The following SKAP1 variants were observed in gnomAD, a reference collection of about 807,000 sequenced individuals.
The protein encoded by SKAP1 is src kinase associated phosphoprotein 1.
In SKAP1, 44 loss-of-function variants were observed where a neutral mutation model predicts 58.5. That is an observed-to-expected ratio of 0.75 (90% CI 0.59 to 0.97). SKAP1 has a LOEUF of 0.97. SKAP1 is among the 50% of genes least tolerant of loss of function. The probability of loss-of-function intolerance (pLI) is 0.00; values close to 1 mark genes in which losing one functional copy is unlikely to be tolerated. For missense variants in SKAP1, 390 were observed against 435.2 expected, an observed-to-expected ratio of 0.90 and a Z score of 0.92; for synonymous variants, 127 against 149.7, an observed-to-expected ratio of 0.85 and a Z score of 1.11.
intron 11 of SKAP1, among the ~76,000 whole-genome samples, chr17:48,146,693 ATC>A (rs1480233448): frequency 1.3e-5 from 2 of 150,660 alleles, no homozygotes; most frequent in African/African-American, 4.9e-5. Context: ...CAATGGCACG[ATC>A]TCGGCTCACT....
At chr17:48,331,966 T>C (rs1375647910) in intron 4 of SKAP1, among the ~76,000 whole-genome samples, 1 of 152,172 alleles carries the variant, frequency 6.6e-6, no homozygotes, top group African/African-American at 2.4e-5. Flanking sequence ...TTTCTTAACA[T>C]ACCTTCCCAA....
At chr17:48,306,976 AT>A (rs552095693) in intron 4 of SKAP1, among the ~76,000 whole-genome samples, 152 of 152,274 alleles carry the variant, frequency 1.0e-3, no homozygotes, top group African/African-American at 3.4e-3. Context: ...TTATGTAAGT[AT>A]TTTTTTAATC....
At chr17:48,238,655 G>A (rs1248615198) in intron 4 of SKAP1, among the ~76,000 whole-genome samples, 2 of 152,194 alleles carry the variant, frequency 1.3e-5, no homozygotes, top group Non-Finnish European at 2.9e-5. Context: ...TTACAGGTAT[G>A]AGCCACCGCG....
At chr17:48,283,502 C>T (rs923789376) in intron 4 of SKAP1, among the ~76,000 whole-genome samples, 1 of 152,164 alleles carries the variant, frequency 6.6e-6, no homozygotes, top group South Asian at 2.1e-4. Flanking sequence ...TTATAATAAC[C>T]TCTGCCATCT....
At chr17:48,185,550 C>G (rs544485425) in intron 6 of SKAP1, among the ~76,000 whole-genome samples, 18 of 151,992 alleles carry the variant, frequency 1.2e-4, no homozygotes, top group Non-Finnish European at 2.4e-4. Flanking sequence ...GGAGGTGACT[C>G]TCAAGAATTT....
chr17:48,230,710 T>A (rs751295530), intron 4 of SKAP1, among the ~76,000 whole-genome samples: 14 of 152,124 alleles, frequency 9.2e-5, no homozygotes, highest in African/African-American at 1.4e-4. Context: ...TGAGCCACGA[T>A]CATGCCACTG....
intron 11 of SKAP1, among the ~76,000 whole-genome samples, chr17:48,156,009 G>A (rs991239372): frequency 3.3e-5 from 5 of 152,202 alleles, no homozygotes; most frequent in African/African-American, 4.8e-5. Context: ...AGGCCGAATG[G>A]ATTTTTGGAG....
chr17:48,252,713 A>AGTGTGT (rs71141977), intron 4 of SKAP1, among the ~76,000 whole-genome samples: 9,908 of 145,020 alleles, frequency 0.068, 475 homozygotes, highest in African/African-American at 0.11. Context: ...GCTCTAAGCT[A>AGTGTGT]GTGTGTGTGT....
chr17:48,153,764 C>A (rs1331242125), intron 11 of SKAP1, among the ~76,000 whole-genome samples: 1 of 151,672 alleles, frequency 6.6e-6, no homozygotes, highest in South Asian at 2.1e-4. Context: ...CACTTACTAC[C>A]CCTAAATTAC....
chr17:48,432,796 C>T (rs1355048953), upstream of SKAP1, among the ~76,000 whole-genome samples: 2 of 152,234 alleles, frequency 1.3e-5, no homozygotes, highest in Non-Finnish European at 2.9e-5. Context: ...TATGGTGTCA[C>T]ATACTAATAT....
At chr17:48,410,761 T>C (rs1344054179) in intron 1 of SKAP1, among the ~76,000 whole-genome samples, 4 of 151,774 alleles carry the variant, frequency 2.6e-5, no homozygotes, top group African/African-American at 9.7e-5. Context: ...ACCTGGTCTC[T>C]ACTAAAAATA....
At chr17:48,249,138 C>G (rs1362930007) in intron 4 of SKAP1, 2 of 152,190 alleles carry the variant, frequency 1.3e-5, no homozygotes, top group Non-Finnish European at 2.9e-5. Context: ...TTCTATTAGA[C>G]TATTCAGGTG....
At chr17:48,232,506 G>A (rs534440431) in intron 4 of SKAP1, among the ~76,000 whole-genome samples, 8 of 152,250 alleles carry the variant, frequency 5.3e-5, no homozygotes, top group African/African-American at 1.7e-4. Flanking sequence ...TTGAGTCAAC[G>A]GTAAAGGTTC....
At chr17:48,182,825 G>A (rs1421762206) in intron 7 of SKAP1, among the ~76,000 whole-genome samples, 1 of 152,162 alleles carries the variant, frequency 6.6e-6, no homozygotes, top group Admixed American at 6.5e-5. Context: ...TGTAACAACC[G>A]GATATCAAGA....
intron 4 of SKAP1, among the ~76,000 whole-genome samples, chr17:48,217,652 A>G (rs2064956389): frequency 6.6e-6 from 1 of 152,126 alleles, no homozygotes; most frequent in Non-Finnish European, 1.5e-5. Flanking sequence ...TCTCTAAATA[A>G]ATAAATAAGA....
chr17:48,398,704 G>A (rs576568051), intron 1 of SKAP1, among the ~76,000 whole-genome samples: 13 of 152,232 alleles, frequency 8.5e-5, no homozygotes, highest in East Asian at 3.9e-4. Flanking sequence ...CAGGCCGGGC[G>A]TGGTGGCTCA....
chr17:48,431,204 G>A (rs1246552945), upstream of SKAP1, among the ~76,000 whole-genome samples: 3 of 152,156 alleles, frequency 2.0e-5, no homozygotes, highest in Non-Finnish European at 4.4e-5. Flanking sequence ...CAGCACTTTG[G>A]GAGGCTGAAG....
intron 9 of SKAP1, among the ~76,000 whole-genome samples, chr17:48,170,989 G>A (rs1271703661): frequency 1.3e-5 from 2 of 151,684 alleles, no homozygotes; most frequent in African/African-American, 4.8e-5. Flanking sequence ...TTACAGGTGT[G>A]AGCTACTGCG....
chr17:48,186,516 C>T (rs975389373), intron 6 of SKAP1, among the ~76,000 whole-genome samples: 15 of 151,952 alleles, frequency 9.9e-5, no homozygotes, highest in Non-Finnish European at 1.2e-4. Context: ...GACAGAGTCT[C>T]GCTCTGTTGC....
Sources: gnomAD v4.1 joint callset for allele counts (sites outside exome capture counted in the v4.1 genomes callset) on GRCh38, gnomAD v4.1.1 for gene constraint, MANE v1.5 for transcripts, NCBI Gene and HGNC (gene_info 2026-07-23, HGNC 2026-07-21) for gene names.